ATR: variants seen among roughly 807,000 people sequenced by gnomAD.
The protein encoded by ATR is ATR checkpoint kinase, also known as serine/threonine-protein kinase ATR.
In ATR, 142 loss-of-function variants were observed where a neutral mutation model predicts 305.3. The observed-to-expected ratio is 0.47, with a 90% CI of 0.41 to 0.53. ATR has a LOEUF of 0.53. Ranked by LOEUF, ATR falls within the 20% of genes least tolerant of loss-of-function variation. The pLI is 0.00. For synonymous variants in ATR, 1,050 were observed against 1,068.1 expected (o/e 0.98, Z 0.33); for missense variants, 2,135 against 3,133.1 (o/e 0.68, Z 7.60).
At chr3:142,451,465 T>C (rs1180823410) in intron 46 of ATR, 1 of 1,492,680 alleles carries the variant, frequency 6.7e-7, no homozygotes, top group East Asian at 2.9e-5. Flanking sequence ...GACTTTGGTC[T>C]GGCTTGCCCA....
At chr3:142,480,090 C>T (rs1577537608) in intron 36 of ATR, among the ~76,000 whole-genome samples, 1 of 152,364 alleles carries the variant, frequency 6.6e-6, no homozygotes, top group East Asian at 1.9e-4. Context: ...CTCAACTCGT[C>T]AAAGTCATTC....
intron 21 of ATR, among the ~76,000 whole-genome samples, chr3:142,524,702 G>A (rs2033297044): frequency 6.6e-6 from 1 of 152,078 alleles, no homozygotes; most frequent in East Asian, 1.9e-4. Flanking sequence ...ATAACAACTA[G>A]TAAAGAAGGA....
intron 1 of ATR, among the ~76,000 whole-genome samples, chr3:142,574,038 TG>T (rs1280080525): frequency 6.6e-6 from 1 of 152,210 alleles, no homozygotes; most frequent in Non-Finnish European, 1.5e-5. Context: ...GCCAGGATTG[TG>T]GGTAGTGGTC....
At chr3:142,512,710 C>T (rs1156681360) in intron 26 of ATR, among the ~76,000 whole-genome samples, 1 of 151,986 alleles carries the variant, frequency 6.6e-6, no homozygotes, top group African/African-American at 2.4e-5. Context: ...AAAAAATTAG[C>T]CAGGCATGGT....
At chr3:142,528,875 A>ATTTTTT (rs1390798686) in intron 21 of ATR, among the ~76,000 whole-genome samples, 743 of 46,452 alleles carry the variant, frequency 0.016, 7 homozygotes, top group Non-Finnish European at 0.021. Flanking sequence ...ATATATATAT[A>ATTTTTT]TATATTTTTT....
chr3:142,506,577 C>T (rs146724469), intron 28 of ATR, among the ~76,000 whole-genome samples: 1,740 of 152,162 alleles, frequency 0.011, 37 homozygotes, highest in African/African-American at 0.04. Context: ...GTCCCAGCTG[C>T]TCGGGAGGCT....
chr3:142,515,085 A>G (rs1413243003), intron 25 of ATR, among the ~76,000 whole-genome samples: 11 of 152,038 alleles, frequency 7.2e-5, no homozygotes, highest in African/African-American at 2.4e-4. Flanking sequence ...ATTATGTAAA[A>G]AACTCTGACA....
Position 142,508,073 on chromosome 3 carries a change from G to GTAGT in ATR, c.4888_4889insACTA (p.Thr1630AsnfsTer31). 1 of 1,612,752 alleles carries GTAGT rather than the reference G, an allele frequency of 6.2e-7. No individual in the cohort carries two copies. The highest frequency in any genetic ancestry group is 8.5e-7 in the Non-Finnish European group (1 of 1,179,606). On this transcript the variant is annotated frameshift_variant, in exon 28 of 47. Transcript: ENST00000350721. LOFTEE classifies it high-confidence loss of function. ...CTGGGGTATGAGGTCTAGAAAACGG[G>GTAGT]TTACACTCTGATAGTCTTCATAATC...
chr3:142,513,352 C>A (rs2032677403), intron 26 of ATR, 149 bp downstream of exon 26: 1 of 908,390 alleles, frequency 1.1e-6, no homozygotes, highest in Non-Finnish European at 1.7e-6. Context: ...AAGGGATACA[C>A]ACACCAAACA....
chr3:142,489,396 A>G (rs2031146267), intron 35 of ATR, among the ~76,000 whole-genome samples: 2 of 152,168 alleles, frequency 1.3e-5, no homozygotes, highest in African/African-American at 4.8e-5. Context: ...CCATGGAACC[A>G]TCATTCCAGT....
chr3:142,565,531 A>G (rs2035036868), intron 3 of ATR, among the ~76,000 whole-genome samples: 1 of 152,042 alleles, frequency 6.6e-6, no homozygotes, highest in African/African-American at 2.4e-5. Flanking sequence ...TGAGTGCCCA[A>G]GTTGCCTTTG....
chr3:142,519,301 TA>T (rs1217218482), intron 24 of ATR, among the ~76,000 whole-genome samples: 18 of 151,638 alleles, frequency 1.2e-4, no homozygotes, highest in Admixed American at 9.8e-4. Flanking sequence ...AAAATCACAT[TA>T]ATTTTTTTTT....
intron 25 of ATR, among the ~76,000 whole-genome samples, chr3:142,514,362 G>A (rs534581795): frequency 6.6e-6 from 1 of 152,054 alleles, no homozygotes; most frequent in South Asian, 2.1e-4. Flanking sequence ...GGGCACGGTG[G>A]CTCACGCCTG....
chr3:142,499,657 A>G lies in ATR; in HGVS notation c.5350T>C (p.Trp1784Arg). 1 of 1,614,054 alleles carries G rather than the reference A, an allele frequency of 6.2e-7. No homozygotes were observed. Among genetic ancestry groups the G allele is most frequent in the Non-Finnish European group, 8.5e-7 (1 of 1,179,980 alleles). ...RVEAAWKLSQ[W>R]DLVENYLAAD... ...GCCAAATAGTTTTCCACCAAATCCC[A>G]CTGTGACAATTTCCAAGCTGCTTCC... Residue 1784 changes from tryptophan to arginine, a missense_variant, in exon 31 of 47, where the codon TGG becomes CGG. Physicochemically the swap from Trp to Arg is moderately radical, Grantham distance 101 (BLOSUM62 -3). Transcript: ENST00000350721.
intron 29 of ATR, among the ~76,000 whole-genome samples, chr3:142,504,937 C>G (rs561403439): frequency 2.6e-5 from 4 of 152,002 alleles, no homozygotes; most frequent in Non-Finnish European, 5.9e-5. Context: ...ATCCCAGCTA[C>G]TCGGGAGGCT....
At chr3:142,501,390 C>T (rs1037193089) in intron 30 of ATR, among the ~76,000 whole-genome samples, 15 of 152,310 alleles carry the variant, frequency 9.8e-5, no homozygotes, top group African/African-American at 3.6e-4. Context: ...TTCTGTAAAA[C>T]TTCCCTTGTG....
At chr3:142,559,017 A>G in intron 7 of ATR, 3 of 626,062 alleles carry the variant, frequency 4.8e-6, no homozygotes, top group Non-Finnish European at 7.9e-6. Flanking sequence ...TCAAACTCCC[A>G]AATTAAAAAA....
intron 37 of ATR, 46 bp from the exon 38 acceptor site, chr3:142,469,615 A>G (rs775962099): frequency 1.5e-5 from 22 of 1,486,460 alleles, no homozygotes; most frequent in Admixed American, 1.2e-4. Flanking sequence ...AAAGAGAAAA[A>G]TCAGTATATC....
chr3:142,509,715 A>G (rs2032448142), intron 27 of ATR, among the ~76,000 whole-genome samples: 2 of 151,514 alleles, frequency 1.3e-5, no homozygotes, highest in Non-Finnish European at 2.9e-5. Flanking sequence ...ACACCACCAC[A>G]CCCAGCTAAT....
Sources: allele counts gnomAD v4.1 joint callset (sites outside exome capture counted in the v4.1 genomes callset), GRCh38; gene constraint gnomAD v4.1.1; transcripts MANE v1.5; gene names NCBI Gene and HGNC (gene_info 2026-07-23, HGNC 2026-07-21).